The following RASGRP4 variants were observed in gnomAD, a reference collection of about 807,000 sequenced individuals.
The protein encoded by RASGRP4 is RAS guanyl-releasing protein 4.
In RASGRP4, 52 loss-of-function variants were observed where a neutral mutation model predicts 84.4. The ratio of observed to expected loss-of-function variants is 0.62; its 90% CI spans 0.49 to 0.78. RASGRP4 has a LOEUF of 0.78. RASGRP4 is among the 30% of genes least tolerant of loss of function. The pLI is 0.00. For missense variants in RASGRP4, 760 were observed against 886.9 expected (o/e 0.86, Z 1.82); for synonymous variants, 356 against 359.1 (o/e 0.99, Z 0.10).
chr19:38,415,078 C>A lies in RASGRP4; in HGVS notation c.1000G>T (p.Ala334Ser). ...TELLASHNNYARYRRTWAGCA... is the reference protein window; with the variant it reads ...TELLASHNNYSRYRRTWAGCA... ...CCAGCCCAGGTGCGGCGGTAGCGGG[C>A]GTAGTTGTTGTGGGAGGCAAGGAGC... Residue 334 changes from alanine (A) to serine (S), a missense_variant, in exon 9 of 17, where the codon GCC (alanine) becomes TCC (serine). By Grantham distance (99) the Ala-to-Ser change is moderately conservative (BLOSUM62 1). Transcript: ENST00000615439. 2 of 1,601,184 alleles carry A rather than the reference C, an allele frequency of 1.2e-6. No individual in the cohort carries two copies. The highest frequency in any genetic ancestry group is 1.7e-6 in the Non-Finnish European group (2 of 1,174,090).
At position 38,425,171 on chromosome 19, in the gene RASGRP4, G is replaced by A. The variant is rs548492522; in HGVS notation, c.23+898C>T. Reference sequence around the variant, plus strand: ...CTGCACTCCAGCCTGGCGGCAGAGCGAGACTCCGTCTCAAAAAAAAAAAAC... The same window carrying A: ...CTGCACTCCAGCCTGGCGGCAGAGCAAGACTCCGTCTCAAAAAAAAAAAAC... On this transcript the variant is annotated intron_variant, in intron 1 of 16. Transcript: ENST00000615439. Among the ~76,000 whole-genome samples the A allele has an allele frequency of 2.8e-4, 40 of 145,158 alleles. No individual in the cohort carries two copies. The South Asian group carries it at 8.1e-3, about 29-fold the overall frequency.
chr19:38,419,207 C>G (rs1026975490), intron 6 of RASGRP4, among the ~76,000 whole-genome samples: 5 of 152,086 alleles, frequency 3.3e-5, no homozygotes, highest in African/African-American at 1.2e-4. Flanking sequence ...GAAACTGATC[C>G]TTGGGTAGGT....
intron 2 of RASGRP4, 55 bp from the exon 3 acceptor site, chr19:38,421,255 C>T: frequency 3.1e-6 from 4 of 1,280,680 alleles, no homozygotes; most frequent in Admixed American, 1.7e-5. Flanking sequence ...CAATGCAGAG[C>T]GTAGCTCCAG....
chr19:38,422,546 C>T (rs1431388423), intron 1 of RASGRP4, among the ~76,000 whole-genome samples: 2 of 152,150 alleles, frequency 1.3e-5, no homozygotes, highest in African/African-American at 4.8e-5. Flanking sequence ...ATTAGACTCT[C>T]TTAGGAGCAT....
At chr19:38,420,047 C>T (rs781151317) in intron 5 of RASGRP4, 34 bp from the exon 6 acceptor site, 2 of 1,610,646 alleles carry the variant, frequency 1.2e-6, no homozygotes, top group African/African-American at 2.7e-5. Context: ...ATTGGAGTGG[C>T]TCACAGTTGA....
At chr19:38,410,133 A>T in intron 16 of RASGRP4, 37 bp from the exon 17 acceptor site, 1 of 1,554,786 alleles carries the variant, frequency 6.4e-7, no homozygotes, top group Non-Finnish European at 8.9e-7. Flanking sequence ...ATGACAGATG[A>T]TGTGGGGAGC....
chr19:38,416,915 G>A (rs1274463372), intron 8 of RASGRP4, 137 bp downstream of exon 8: 2 of 644,092 alleles, frequency 3.1e-6, no homozygotes, highest in Non-Finnish European at 5.7e-6. Context: ...AGAGCCTGGG[G>A]GTCTGGGATT....
Position 38,411,197 on chromosome 19 carries a change from A to AG in RASGRP4, c.1769_1770insC (p.Lys591Ter). ...CGCCCTTGGCCCCTGGCCTCTTCTT[A>AG]CATTCTACCTTCACCTGGTCTCTGC... is the stretch of plus-strand genomic sequence containing the variant. On this transcript the variant is annotated frameshift_variant, in exon 15 of 17. Transcript: ENST00000615439. LOFTEE classifies it high-confidence loss of function. 6.2e-7 allele frequency: 1 copy of AG among 1,613,876 alleles called. No homozygotes were observed. The highest frequency in any genetic ancestry group is 8.5e-7 in the Non-Finnish European group (1 of 1,179,876).
At position 38,412,976 on chromosome 19, in the gene RASGRP4, T is replaced by C. The variant is rs186928850; in HGVS notation, c.1490A>G (p.Asn497Ser). 3.0e-5 allele frequency: 48 copies of C among 1,613,926 alleles called. No individual in the cohort carries two copies. In the African/African-American group the frequency reaches 5.3e-4, roughly 18 times the overall value. Residue 497 changes from asparagine (N) to serine (S), a missense_variant, in exon 12 of 17, where the codon AAT becomes AGT. Asn to Ser is a conservative substitution (Grantham distance 46). Coordinates refer to ENST00000615439, the MANE Select transcript of RASGRP4 (RefSeq NM_170604.3). The surrounding 1 kb of genome is among the most constrained non-coding windows in gnomAD (Gnocchi z 4.6). The stretch of plus-strand genomic sequence containing the variant: ...AAGCCCATGGCAGGCGAAGGGAAAA[T>C]TGCCCGAGAGTCGCTCAAAGTCCTC... ...SQEDFERLSG[N>S]FPFACHGLHP...
At chr19:38,423,942 A>G (rs1971873573) in intron 1 of RASGRP4, among the ~76,000 whole-genome samples, 1 of 152,082 alleles carries the variant, frequency 6.6e-6, no homozygotes, top group African/African-American at 2.4e-5. Context: ...TAATGGAGAG[A>G]CAAGGATGGT....
chr19:38,422,256 C>G lies in RASGRP4; in HGVS notation c.24-103G>C, dbSNP rs1313320726. On this transcript the variant is annotated intron_variant, in intron 1 of 16. Coordinates refer to ENST00000615439, the MANE Select transcript of RASGRP4 (RefSeq NM_170604.3). ...CCCAAGGCACCACGGGAGAGGCTTC[C>G]TAAAGGCAAAGCCCCAGGGTTACCC... The G allele has an allele frequency of 8.1e-6, 9 of 1,104,506 alleles. No individual in the cohort carries two copies. The African/African-American group carries it at 1.3e-4, about 16-fold the overall frequency. The allele number at this position is 1,104,506 out of a possible 1,614,324, so 68.4% of individuals were successfully genotyped here.
In RASGRP4 at chr19:38,412,426, A is replaced by C; in HGVS notation, c.1680+246T>G. 2.5e-5 allele frequency: 12 copies of C among 475,552 alleles called. No individual in the cohort carries two copies. Among genetic ancestry groups the C allele is most frequent in the East Asian group, 4.0e-5 (1 of 25,232 alleles). The allele number at this position is 475,552 out of a possible 1,614,324, so 29.5% of individuals were successfully genotyped here. A position where few individuals can be genotyped will look rare whatever the true frequency, so the allele number is the denominator to read the frequency against. On this transcript the variant is annotated intron_variant, in intron 13 of 16. Coordinates refer to ENST00000615439, the MANE Select transcript of RASGRP4 (RefSeq NM_170604.3). This position sits in a 1 kb window ranked among gnomAD's most constrained non-coding sequence, Gnocchi z 4.6. ...CGTGAGCCACCACTCCTGGCCTCCT[A>C]TCTAGAGTTTTAGGTATTATCCATG...
At chr19:38,424,202 C>T (rs1188878828) in intron 1 of RASGRP4, among the ~76,000 whole-genome samples, 3 of 152,042 alleles carry the variant, frequency 2.0e-5, no homozygotes, top group African/African-American at 7.2e-5. Flanking sequence ...TCACTGCAAC[C>T]TCCACCTCCC....
rs764497206 is a variant in RASGRP4 at position 38,411,264 on chromosome 19, C to A, written c.1718-15G>T. 1.2e-6 allele frequency: 2 copies of A among 1,613,674 alleles called. No individual in the cohort carries two copies. The highest frequency in any genetic ancestry group is 1.3e-5 in the African/African-American group (1 of 74,926). ...CAGCCCGCACTCTGGGGGAAGGCAG[C>A]GGCAGGGGTCCGATCTGTGTCATCC... On this transcript the variant is annotated splice_polypyrimidine_tract_variant and intron_variant, in intron 14 of 16. Coordinates refer to ENST00000615439, the MANE Select transcript of RASGRP4 (RefSeq NM_170604.3).
In RASGRP4 at chr19:38,410,085, C is replaced by T. The variant is rs373491454; in HGVS notation, c.1977G>A (p.Pro659=). 167 of 1,611,522 alleles carry T rather than the reference C, an allele frequency of 1.0e-4. 1 individual carries two copies. The highest frequency in any genetic ancestry group is 7.2e-4 in the South Asian group (65 of 90,758). Residue 659 remains proline, a synonymous_variant, in exon 17 of 17, where the codon CCG becomes CCA. Transcript: ENST00000615439. The stretch of plus-strand genomic sequence containing the variant: ...ATGCAGTTGATGGTGGGTCCATCAC[C>T]GGGCAGGGGACCTGGAAGGAGGAAG... ...PSWETDTVPC[P]VMDPPSTASS... is the part of the protein sequence containing the mutation.
chr19:38,424,743 A>T (rs1396616093), intron 1 of RASGRP4, among the ~76,000 whole-genome samples: 1 of 151,576 alleles, frequency 6.6e-6, no homozygotes, highest in East Asian at 2.0e-4. Flanking sequence ...GGGACATTTT[A>T]AAGTATTATA....
In RASGRP4 at chr19:38,412,310, G is replaced by T. The variant is rs184152823; in HGVS notation, c.1680+362C>A. ...TTTTTGTATTTTTAGTAGAGACGGG[G>T]TCTCTCTTGCTATGTTCCCTAGGCT... On this transcript the variant is annotated intron_variant, in intron 13 of 16. Coordinates refer to ENST00000615439, the MANE Select transcript of RASGRP4 (RefSeq NM_170604.3). The surrounding 1 kb of genome is among the most constrained non-coding windows in gnomAD (Gnocchi z 4.6). The T allele has an allele frequency of 0.012, 2,398 of 199,946 alleles. 34 individuals carry two copies. The highest frequency in any genetic ancestry group is 0.017 in the Non-Finnish European group (1,615 of 97,010). 12.4% of individuals were successfully genotyped at this position (199,946 alleles called of 1,614,324 possible).
In RASGRP4 at chr19:38,418,631, T is replaced by A; in HGVS notation, c.664-67A>T. 7.2e-7 allele frequency: 1 copy of A among 1,389,814 alleles called. No homozygotes were observed. The highest frequency in any genetic ancestry group is 9.5e-7 in the Non-Finnish European group (1 of 1,050,722). The allele number at this position is 1,389,814 out of a possible 1,614,324, so 86.1% of individuals were successfully genotyped here. A position where few individuals can be genotyped will look rare whatever the true frequency, so the allele number is the denominator to read the frequency against. On this transcript the variant is annotated intron_variant, in intron 6 of 16. Transcript: ENST00000615439. The surrounding 1 kb of genome is among the most constrained non-coding windows in gnomAD (Gnocchi z 4.6). ...GCCCTGCCCTTCCATGGCATCCAAC[T>A]AGCAGTCACGATCTCTGATGTCCTA... is the stretch of plus-strand genomic sequence containing the variant.
Position 38,421,998 on chromosome 19 carries a change from T to TCATCTTCGCTGCAGCCGCC in RASGRP4, c.160_178dup (p.Glu60GlyfsTer7). ...GGACTGGATGCATTTCTCCAGCAGCTCATCTTCGCTGCAGCCGCCCTCACT... is the reference window on the plus strand; with the variant it reads ...GGACTGGATGCATTTCTCCAGCAGCTCATCTTCGCTGCAGCCGCCCATCTTCGCTGCAGCCGCCCTCACT... On this transcript the variant is annotated stop_gained and frameshift_variant, in exon 2 of 17. Coordinates refer to ENST00000615439, the MANE Select transcript of RASGRP4 (RefSeq NM_170604.3). LOFTEE classifies it high-confidence loss of function. The TCATCTTCGCTGCAGCCGCC allele has an allele frequency of 6.2e-7, 1 of 1,612,746 alleles. No individual in the cohort carries two copies. Among genetic ancestry groups the TCATCTTCGCTGCAGCCGCC allele is most frequent in the South Asian group, 1.1e-5 (1 of 90,734 alleles).
Sources: gnomAD v4.1 joint callset for allele counts (sites outside exome capture counted in the v4.1 genomes callset) on GRCh38, gnomAD v4.1.1 for gene constraint, Gnocchi (gnomAD v3.1) non-coding constraint, MANE v1.5 for transcripts, NCBI Gene and HGNC (gene_info 2026-07-23, HGNC 2026-07-21) for gene names.